CRTC1: variants seen among roughly 807,000 people sequenced by gnomAD.
The protein encoded by CRTC1 is CREB regulated transcription coactivator 1.
Under a neutral mutation model 66.1 loss-of-function variants are expected in CRTC1, and 18 were observed. The observed-to-expected ratio is 0.27, with a 90% CI of 0.19 to 0.40. The LOEUF (loss-of-function observed/expected upper bound fraction) is 0.40. Ranked by LOEUF, CRTC1 falls within the 10% of genes least tolerant of loss-of-function variation. CRTC1 has a pLI of 1.00. For missense variants in CRTC1, 669 were observed against 887.9 expected, an observed-to-expected ratio of 0.75 and a Z score of 3.13; for synonymous variants, 416 against 398.8, an observed-to-expected ratio of 1.04 and a Z score of -0.51.
At chr19:18,753,721 C>G in intron 6 of CRTC1, 136 bp downstream of exon 6, 1 of 636,416 alleles carries the variant, frequency 1.6e-6, no homozygotes, top group Non-Finnish European at 2.8e-6. Context: ...ATTTTTCCAT[C>G]TTCAAATTCA....
chr19:18,709,865 C>T (rs1405002327), intron 1 of CRTC1, among the ~76,000 whole-genome samples: 11 of 152,198 alleles, frequency 7.2e-5, no homozygotes. Context: ...CCTGCCCTGG[C>T]CCATCAGTCC....
chr19:18,707,388 C>A (rs1416341325), intron 1 of CRTC1, among the ~76,000 whole-genome samples: 1 of 152,110 alleles, frequency 6.6e-6, no homozygotes, highest in African/African-American at 2.4e-5. Context: ...GTTTGGCACC[C>A]TTGTTGAAAA....
At chr19:18,704,425 CAT>C (rs1187742692) in intron 1 of CRTC1, among the ~76,000 whole-genome samples, 2 of 152,042 alleles carry the variant, frequency 1.3e-5, no homozygotes, top group Non-Finnish European at 2.9e-5. Flanking sequence ...ATACACATAA[CAT>C]GTGGCCAGAT....
At chr19:18,728,714 A>G (rs2053815300) in intron 1 of CRTC1, among the ~76,000 whole-genome samples, 1 of 151,804 alleles carries the variant, frequency 6.6e-6, no homozygotes, top group Admixed American at 6.6e-5. Flanking sequence ...CATGTTGGCC[A>G]GGCTGGTCTA....
At chr19:18,702,725 G>T (rs1353636987) in intron 1 of CRTC1, among the ~76,000 whole-genome samples, 1 of 151,158 alleles carries the variant, frequency 6.6e-6, no homozygotes, top group African/African-American at 2.4e-5. Flanking sequence ...GTAGAGGCAG[G>T]GTTTCTCCAT....
intron 10 of CRTC1, among the ~76,000 whole-genome samples, chr19:18,769,160 G>A (rs898537263): frequency 6.6e-6 from 1 of 152,220 alleles, no homozygotes. Flanking sequence ...GCCGGGGGCC[G>A]GGGATGACGT....
At chr19:18,727,977 C>T (rs189706758) in intron 1 of CRTC1, among the ~76,000 whole-genome samples, 1 of 152,322 alleles carries the variant, frequency 6.6e-6, no homozygotes, top group East Asian at 1.9e-4. Flanking sequence ...CCACCCACCT[C>T]AGCCTCCCAA....
chr19:18,777,035 C>A lies in CRTC1; in HGVS notation c.1694-136C>A. On this transcript the variant is annotated intron_variant, in intron 13 of 13. Transcript: ENST00000321949. The surrounding 1 kb of genome is among the most constrained non-coding windows in gnomAD (Gnocchi z 5.5). Reference sequence around the variant, plus strand: ...GTGCTGGCCCCTCCCCCAGTCATGACAGCTGGAATGTCCCCAGACATTGCC... The same window carrying A: ...GTGCTGGCCCCTCCCCCAGTCATGAAAGCTGGAATGTCCCCAGACATTGCC... 1 of 628,658 alleles carries A rather than the reference C, an allele frequency of 1.6e-6. No individual in the cohort carries two copies. Among genetic ancestry groups the A allele is most frequent in the Non-Finnish European group, 2.9e-6 (1 of 350,754 alleles). 38.9% of individuals were successfully genotyped at this position (628,658 alleles called of 1,614,324 possible).
chr19:18,722,614 G>T (rs147076064), intron 1 of CRTC1, among the ~76,000 whole-genome samples: 1 of 152,344 alleles, frequency 6.6e-6, no homozygotes, highest in Non-Finnish European at 1.5e-5. Flanking sequence ...ACCAGTTTTT[G>T]AATGGACATG....
Position 18,692,989 on chromosome 19 carries a change from C to T in CRTC1, c.126+9161C>T, listed in dbSNP as rs531297488. 2.4e-4 allele frequency among the ~76,000 whole-genome samples: 35 copies of T among 144,136 alleles called. No homozygotes were observed. The South Asian group carries it at 5.5e-3, about 23-fold the overall frequency. 94.6% of individuals were successfully genotyped at this position (144,136 alleles called of 152,430 possible). On this transcript the variant is annotated intron_variant, in intron 1 of 13. Transcript: ENST00000321949. ...ACTCGGGAGGCTGAGACAGGAGAAT[C>T]GCTTGAACCTGGGAGGTGGAGGTTG...
At position 18,707,865 on chromosome 19, in the gene CRTC1, T is replaced by G. The variant is rs916859731; in HGVS notation, c.126+24037T>G. ...ACAACAACAAAAAGAAGTCACACTCTCCTCCTCCCAGCTATGTGACCCTGG... is the reference window on the plus strand; with the variant it reads ...ACAACAACAAAAAGAAGTCACACTCGCCTCCTCCCAGCTATGTGACCCTGG... On this transcript the variant is annotated intron_variant, in intron 1 of 13. Transcript: ENST00000321949. Among the ~76,000 whole-genome samples the G allele has an allele frequency of 2.6e-5, 4 of 152,218 alleles. No individual in the cohort carries two copies. The East Asian group carries it at 7.7e-4, about 29-fold the overall frequency.
chr19:18,771,635 T>C lies in CRTC1; in HGVS notation c.1425+89T>C. The C allele has an allele frequency of 2.0e-6, 2 of 989,178 alleles. No homozygotes were observed. The highest frequency in any genetic ancestry group is 2.6e-5 in the East Asian group (1 of 38,108). The allele number at this position is 989,178 out of a possible 1,614,324, so 61.3% of individuals were successfully genotyped here. On this transcript the variant is annotated intron_variant, in intron 11 of 13. Coordinates refer to ENST00000321949, the MANE Select transcript of CRTC1 (RefSeq NM_015321.3). This position sits in a 1 kb window ranked among gnomAD's most constrained non-coding sequence, Gnocchi z 4.6. ...GTTCCCTGCCCACTGTCTGTCCTCA[T>C]GCATCGCTCCTCATGCATGTCCTCA...
intron 1 of CRTC1, among the ~76,000 whole-genome samples, chr19:18,732,397 G>A (rs142964760): frequency 2.8e-3 from 425 of 152,346 alleles, no homozygotes; most frequent in African/African-American, 9.5e-3. Context: ...CAGGAAAGGC[G>A]CTGTACCTGG....
chr19:18,730,935 C>G (rs908193684), intron 1 of CRTC1, among the ~76,000 whole-genome samples: 1 of 151,446 alleles, frequency 6.6e-6, no homozygotes, highest in African/African-American at 2.4e-5. Context: ...CTCCACAGTT[C>G]CGGGGCTGAG....
intron 1 of CRTC1, among the ~76,000 whole-genome samples, chr19:18,724,350 C>G (rs2053696281): frequency 6.6e-6 from 1 of 152,030 alleles, no homozygotes; most frequent in Non-Finnish European, 1.5e-5. Context: ...TGAGCTGGCT[C>G]TAGGATCAAG....
At chr19:18,711,583 C>T (rs557945883) in intron 1 of CRTC1, among the ~76,000 whole-genome samples, 2 of 152,344 alleles carry the variant, frequency 1.3e-5, no homozygotes, top group South Asian at 4.1e-4. Flanking sequence ...CTGCGGCCGG[C>T]CACGCTCCTG....
intron 1 of CRTC1, among the ~76,000 whole-genome samples, chr19:18,733,994 A>G (rs1383820737): frequency 6.6e-6 from 1 of 152,142 alleles, no homozygotes; most frequent in African/African-American, 2.4e-5. Context: ...CTGTAATCCC[A>G]GCTACTTGGG....
chr19:18,759,336 G>C (rs2054561490), intron 6 of CRTC1, among the ~76,000 whole-genome samples: 1 of 152,244 alleles, frequency 6.6e-6, no homozygotes, highest in South Asian at 2.1e-4. Flanking sequence ...GCAACTCTTG[G>C]CTTCGCGCTG....
chr19:18,717,585 C>A (rs907832692), intron 1 of CRTC1, among the ~76,000 whole-genome samples: 1 of 152,178 alleles, frequency 6.6e-6, no homozygotes, highest in Non-Finnish European at 1.5e-5. Context: ...GAGGCAGACA[C>A]AGATGCGTGC....
Sources: allele counts gnomAD v4.1 joint callset (sites outside exome capture counted in the v4.1 genomes callset), GRCh38; gene constraint gnomAD v4.1.1; non-coding constraint Gnocchi (gnomAD v3.1); transcripts MANE v1.5; gene names NCBI Gene and HGNC (gene_info 2026-07-23, HGNC 2026-07-21).